ATP2B2: variants seen among roughly 807,000 people sequenced by gnomAD.
ATP2B2 encodes plasma membrane calcium-transporting ATPase 2.
ATP2B2 carries 15 observed loss-of-function variants against 120.0 expected under a neutral mutation model. The observed-to-expected ratio is 0.12, with a 90% CI of 0.08 to 0.19. ATP2B2 has a LOEUF of 0.19. Among genes scored for constraint, ATP2B2 ranks in the 10% least tolerant of loss-of-function variants. The pLI, the probability that ATP2B2 is intolerant of heterozygous loss-of-function variation, is 1.00. For synonymous variants in ATP2B2, 694 were observed against 700.3 expected, an observed-to-expected ratio of 0.99 and a Z score of 0.14; for missense variants, 1,045 against 1,719.8, an observed-to-expected ratio of 0.61 and a Z score of 6.94.
At chr3:10,367,806 T>G (rs1426764399) in intron 12 of ATP2B2, among the ~76,000 whole-genome samples, 3 of 152,240 alleles carry the variant, frequency 2.0e-5, no homozygotes, top group Non-Finnish European at 2.9e-5. Flanking sequence ...TCACCCACTC[T>G]GTGGGTTGTC....
chr3:10,601,851 C>T (rs2068931197), intron 2 of ATP2B2, among the ~76,000 whole-genome samples: 3 of 152,234 alleles, frequency 2.0e-5, no homozygotes, highest in African/African-American at 7.2e-5. Context: ...AGGAGCCATC[C>T]CCCAAGTCCC....
At chr3:10,645,822 A>C (rs540108152) in intron 1 of ATP2B2, among the ~76,000 whole-genome samples, 1 of 152,260 alleles carries the variant, frequency 6.6e-6, no homozygotes, top group South Asian at 2.1e-4. Context: ...CAAATGTTTC[A>C]AAGCCTCTTA....
chr3:10,575,816 A>T (rs1291708864), intron 2 of ATP2B2, among the ~76,000 whole-genome samples: 2 of 152,156 alleles, frequency 1.3e-5, no homozygotes, highest in East Asian at 3.8e-4. Context: ...GTTTTGCCCA[A>T]ATCTATGGGC....
chr3:10,508,912 T>C (rs772100541), upstream of ATP2B2, among the ~76,000 whole-genome samples: 2 of 152,120 alleles, frequency 1.3e-5, no homozygotes, highest in Non-Finnish European at 2.9e-5. Context: ...GGACACCGAT[T>C]GAGAGTCAGG....
chr3:10,552,736 G>C (rs1440028615), intron 2 of ATP2B2, among the ~76,000 whole-genome samples: 1 of 152,200 alleles, frequency 6.6e-6, no homozygotes, highest in Non-Finnish European at 1.5e-5. Flanking sequence ...TGTGTTCCCT[G>C]TGCTCAAAAA....
intron 1 of ATP2B2, among the ~76,000 whole-genome samples, chr3:10,706,350 G>T (rs1366363817): frequency 6.6e-6 from 1 of 152,208 alleles, no homozygotes; most frequent in Non-Finnish European, 1.5e-5. Flanking sequence ...ACTGTATGCA[G>T]AGGGGGCCTC....
At chr3:10,431,542 G>A (rs938259859) in intron 2 of ATP2B2, among the ~76,000 whole-genome samples, 2 of 152,096 alleles carry the variant, frequency 1.3e-5, no homozygotes, top group Admixed American at 6.5e-5. Context: ...TTATCGCAGT[G>A]GTCTGGAACC....
intron 2 of ATP2B2, among the ~76,000 whole-genome samples, chr3:10,424,846 AAT>A (rs2063097228): frequency 2.0e-5 from 3 of 152,228 alleles, no homozygotes; most frequent in Admixed American, 2.0e-4. Flanking sequence ...TCTACAAAAC[AAT>A]AGTCTATTTT....
intron 2 of ATP2B2, among the ~76,000 whole-genome samples, chr3:10,425,428 T>A (rs1343472581): frequency 6.6e-6 from 1 of 152,180 alleles, no homozygotes; most frequent in Non-Finnish European, 1.5e-5. Flanking sequence ...TTGGATGAAG[T>A]GGATTTGGGG....
intron 2 of ATP2B2, among the ~76,000 whole-genome samples, chr3:10,548,347 T>C (rs569070125): frequency 6.6e-6 from 1 of 152,222 alleles, no homozygotes; most frequent in Non-Finnish European, 1.5e-5. Context: ...TGGGGCAAGC[T>C]GGTTTGATAC....
intron 2 of ATP2B2, among the ~76,000 whole-genome samples, chr3:10,442,422 C>A (rs1257243657): frequency 6.6e-6 from 1 of 152,170 alleles, no homozygotes; most frequent in Non-Finnish European, 1.5e-5. Flanking sequence ...CCGTGGCCTG[C>A]AGAATTATTT....
chr3:10,672,907 A>C (rs2071136091), intron 1 of ATP2B2, among the ~76,000 whole-genome samples: 1 of 152,182 alleles, frequency 6.6e-6, no homozygotes, highest in Non-Finnish European at 1.5e-5. Flanking sequence ...GGTCTCAGCC[A>C]GTCGGGGGAA....
upstream of ATP2B2, among the ~76,000 whole-genome samples, chr3:10,508,045 G>A (rs1027792471): frequency 6.6e-6 from 1 of 152,070 alleles, no homozygotes; most frequent in South Asian, 2.1e-4. Context: ...TCTCACCAAC[G>A]CACACTAGCA....
At chr3:10,706,752 C>T (rs1414796444) in intron 1 of ATP2B2, among the ~76,000 whole-genome samples, 1 of 152,112 alleles carries the variant, frequency 6.6e-6, no homozygotes, top group Non-Finnish European at 1.5e-5. Context: ...TTAGAGTAGC[C>T]CTAGAAGGTG....
chr3:10,570,984 C>G (rs1036066379), intron 2 of ATP2B2, among the ~76,000 whole-genome samples: 1 of 152,244 alleles, frequency 6.6e-6, no homozygotes, highest in Non-Finnish European at 1.5e-5. Flanking sequence ...ATATAAAATT[C>G]TGGGTCAGTG....
intron 1 of ATP2B2, among the ~76,000 whole-genome samples, chr3:10,668,861 T>A (rs1455365591): frequency 1.3e-5 from 2 of 152,162 alleles, no homozygotes; most frequent in Admixed American, 6.5e-5. Context: ...ATGGGCAGCA[T>A]ACAGTAGGCA....
intron 2 of ATP2B2, among the ~76,000 whole-genome samples, chr3:10,611,303 A>T (rs1410683334): frequency 6.6e-6 from 1 of 152,148 alleles, no homozygotes; most frequent in Non-Finnish European, 1.5e-5. Context: ...AGGAACTGTG[A>T]GGGCTATGAG....
chr3:10,400,348 T>C (rs2062176858), intron 5 of ATP2B2, among the ~76,000 whole-genome samples: 1 of 152,272 alleles, frequency 6.6e-6, no homozygotes, highest in South Asian at 2.1e-4. Flanking sequence ...GTCCTGCTTC[T>C]GGGCTTTTGC....
chr3:10,616,328 C>T (rs1020447535), intron 2 of ATP2B2, among the ~76,000 whole-genome samples: 1 of 152,128 alleles, frequency 6.6e-6, no homozygotes, highest in African/African-American at 2.4e-5. Flanking sequence ...CAGACATATT[C>T]AGAAGGTGAG....
Sources: gnomAD v4.1 joint callset for allele counts (sites outside exome capture counted in the v4.1 genomes callset) on GRCh38, gnomAD v4.1.1 for gene constraint, MANE v1.5 for transcripts, NCBI Gene and HGNC (gene_info 2026-07-23, HGNC 2026-07-21) for gene names.